The following HSPG2 variants were observed in gnomAD, a reference collection of about 807,000 sequenced individuals.
HSPG2 encodes basement membrane-specific heparan sulfate proteoglycan core protein.
A neutral mutation model predicts 526.6 loss-of-function variants in HSPG2; 278 were observed. The observed-to-expected ratio is 0.53, with a 90% CI of 0.48 to 0.58. HSPG2 has a LOEUF of 0.58. Ranked by LOEUF, HSPG2 falls within the 20% of genes least tolerant of loss-of-function variation. HSPG2 has a pLI of 0.00. For synonymous variants in HSPG2, 2,465 were observed against 2,555.4 expected (o/e 0.96, Z 1.07); for missense variants, 5,354 against 6,099.5 (o/e 0.88, Z 4.07).
intron 64 of HSPG2, 53 bp downstream of exon 64, chr1:21,846,055 T>C: frequency 6.2e-7 from 1 of 1,602,064 alleles, no homozygotes; most frequent in African/African-American, 1.3e-5. Flanking sequence ...CCCCCTGGTC[T>C]CTGTCCCTTC....
chr1:21,908,004 G>A, intron 1 of HSPG2: 1 of 654,382 alleles, frequency 1.5e-6, no homozygotes, highest in Non-Finnish European at 2.8e-6. Flanking sequence ...AAATACAGAT[G>A]TAAAATGCTA....
rs1331689967 is a variant in HSPG2, at chr1:21,898,715, C to CACTG, written c.64-2409_64-2406dup. Among the ~76,000 whole-genome samples the CACTG allele has an allele frequency of 6.6e-6, 1 of 152,226 alleles. No individual in the cohort carries two copies. The highest frequency in any genetic ancestry group is 6.5e-5 in the Admixed American group (1 of 15,284). On this transcript the variant is annotated intron_variant, in intron 1 of 96. Transcript: ENST00000374695. The surrounding 1 kb of genome is among the most constrained non-coding windows in gnomAD (Gnocchi z 4.0). ...TATGAGGCTGGGGCTGGTGCAGGGG[C>CACTG]ACTGACTCTGGTTAGAGGAGATTTG...
At chr1:21,928,463 C>G (rs1557839301) in intron 1 of HSPG2, among the ~76,000 whole-genome samples, 1 of 152,226 alleles carries the variant, frequency 6.6e-6, no homozygotes, top group African/African-American at 2.4e-5. Flanking sequence ...AGTTTTGAGA[C>G]AGAGTCTCGC....
intron 13 of HSPG2, among the ~76,000 whole-genome samples, 199 bp from the exon 14 acceptor site, chr1:21,881,701 G>A (rs1038454952): frequency 6.6e-6 from 1 of 152,156 alleles, no homozygotes; most frequent in African/African-American, 2.4e-5. Context: ...CCAGCACTTT[G>A]AGAGGCTGAG....
rs575606242 is a variant in HSPG2, at chr1:21,894,802, G to A, written c.244+1120C>T. Among the ~76,000 whole-genome samples the A allele has an allele frequency of 1.3e-4, 20 of 152,296 alleles. No individual in the cohort carries two copies. The South Asian group carries it at 4.1e-3, about 32-fold the overall frequency. ...ATTAGCATAGGCCATTCCAGGACGG[G>A]ACGTGCCATGTGTGCCTGGGGCCCA... On this transcript the variant is annotated intron_variant, in intron 3 of 96. Coordinates refer to ENST00000374695, the MANE Select transcript of HSPG2 (RefSeq NM_005529.7).
Position 21,831,005 on chromosome 1 carries a change from G to C in HSPG2, c.11648C>G (p.Ser3883Trp), listed in dbSNP as rs138145234. ...ACCTGGATGGCAGTGCAGGGCCTGCGAGTGCTCACAGCGGCTCCCGGTGAA... is the reference window on the plus strand; with the variant it reads ...ACCTGGATGGCAGTGCAGGGCCTGCCAGTGCTCACAGCGGCTCCCGGTGAA... ...AGFTGSRCEH[S>W]QALHCHPEAC... Residue 3883 changes from serine to tryptophan, a missense_variant, in exon 85 of 97, where the codon TCG becomes TGG. Ser to Trp is a radical substitution (Grantham distance 177). Transcript: ENST00000374695. 43 of 1,586,582 alleles carry C rather than the reference G, an allele frequency of 2.7e-5. No homozygotes were observed. The highest frequency in any genetic ancestry group is 1.8e-5 in the Admixed American group (1 of 54,860).
intron 91 of HSPG2, among the ~76,000 whole-genome samples, chr1:21,826,256 G>C (rs957201728): frequency 2.0e-5 from 3 of 151,972 alleles, no homozygotes; most frequent in African/African-American, 7.3e-5. Flanking sequence ...TTCTTGTAGA[G>C]ATGAGGTCTC....
Position 21,828,108 on chromosome 1 carries a change from G to A in HSPG2, c.12454C>T (p.Pro4152Ser). 1.2e-6 allele frequency: 2 copies of A among 1,604,966 alleles called. No individual in the cohort carries two copies. The highest frequency in any genetic ancestry group is 1.7e-6 in the Non-Finnish European group (2 of 1,174,960). The change falls in exon 90 of 97, where the codon CCC becomes TCC. Residue 4152 changes from proline (P) to serine (S), a missense_variant. Transcript: ENST00000374695. This position sits in a 1 kb window ranked among gnomAD's most constrained non-coding sequence, Gnocchi z 6.0. Reference protein sequence around the residue: ...HEENPCQLREPCLHGGTCQGT... With the variant: ...HEENPCQLRESCLHGGTCQGT... The stretch of plus-strand genomic sequence containing the variant: ...TGGCAGGTGCCCCCATGCAGACAGG[G>A]TTCACGGAGCTGGCAGGGGTTCTCC...
chr1:21,914,217 A>G (rs767533043), intron 1 of HSPG2, among the ~76,000 whole-genome samples: 4 of 152,118 alleles, frequency 2.6e-5, no homozygotes, highest in Non-Finnish European at 5.9e-5. Flanking sequence ...ATACATGTCA[A>G]ATGGTGAGAG....
rs1047177861 is a variant in HSPG2, at chr1:21,831,457, G to A, written c.11452+6C>T. ...AGCCTCAGCTGGAGGTGGGGAGGGGGCTCACCTATGAAGCCGCTGCTCAGC... is the reference window on the plus strand; with the variant it reads ...AGCCTCAGCTGGAGGTGGGGAGGGGACTCACCTATGAAGCCGCTGCTCAGC... On this transcript the variant is annotated splice_donor_region_variant and intron_variant, in intron 83 of 96. Coordinates refer to ENST00000374695, the MANE Select transcript of HSPG2 (RefSeq NM_005529.7). The A allele has an allele frequency of 6.2e-7, 1 of 1,613,300 alleles. No homozygotes were observed. The highest frequency in any genetic ancestry group is 8.5e-7 in the Non-Finnish European group (1 of 1,179,344).
At chr1:21,937,009 C>G (rs1386550278) in intron 1 of HSPG2, 146 bp downstream of exon 1, 3 of 184,252 alleles carry the variant, frequency 1.6e-5, no homozygotes, top group African/African-American at 7.2e-5. Flanking sequence ...GGCCCGGGGT[C>G]CCCGGCGGGC....
intron 1 of HSPG2, 79 bp downstream of exon 1, chr1:21,937,076 G>C: frequency 2.0e-6 from 1 of 489,154 alleles, no homozygotes; most frequent in African/African-American, 2.1e-5. Flanking sequence ...CAGCCAAGTT[G>C]GCGGGAGGCG....
Position 21,832,564 on chromosome 1 carries a change from G to C in HSPG2, c.11138C>G (p.Pro3713Arg), listed in dbSNP as rs757056657. 2.5e-6 allele frequency: 4 copies of C among 1,614,186 alleles called. No individual in the cohort carries two copies. In the South Asian group the frequency reaches 4.4e-5, roughly 18 times the overall value. The change falls in exon 81 of 97, where the codon CCC (proline) becomes CGC (arginine). Residue 3713 changes from proline (P) to arginine (R), a missense_variant. Pro to Arg is a moderately radical substitution (Grantham distance 103, BLOSUM62 -2). Coordinates refer to ENST00000374695, the MANE Select transcript of HSPG2 (RefSeq NM_005529.7). ...YNGQKRVPGSPTNLANRQPDF... is the reference protein window; with the variant it reads ...YNGQKRVPGSRTNLANRQPDF... ...GGGCTGCCGGTTGGCCAGGTTGGTG[G>C]GGCTCCCTGGGACTCGCTTCTGCCC...
At chr1:21,835,111 C>A (rs2098021025) in intron 76 of HSPG2, 166 bp from the exon 77 acceptor site, 3 of 780,088 alleles carry the variant, frequency 3.8e-6, no homozygotes, top group Non-Finnish European at 6.5e-6. Context: ...CTTGTCAGGT[C>A]TTATGCATTT....
At chr1:21,856,604 G>A (rs1405989312) in intron 44 of HSPG2, among the ~76,000 whole-genome samples, 1 of 68,276 alleles carries the variant, frequency 1.5e-5, no homozygotes, top group Non-Finnish European at 3.6e-5. Context: ...TTTTAGTAGA[G>A]ACAGGGTTTC....
rs1391644116 is a variant in HSPG2 at position 21,842,814 on chromosome 1, C to T, written c.8866G>A (p.Val2956Ile). The T allele has an allele frequency of 6.2e-7, 1 of 1,613,920 alleles. No homozygotes were observed. Among genetic ancestry groups the T allele is most frequent in the Admixed American group, 1.7e-5 (1 of 60,032 alleles). ...CVVPGQAHAQ[V>I]TWYKRGGSLP... ...CTGCCCCCGCGCTTGTACCACGTGA[C>T]CTGGGCATGGGCCTGCCCGGGCACC... The change falls in exon 67 of 97, where the codon GTC (valine) becomes ATC (isoleucine). Residue 2956 changes from valine to isoleucine, a missense_variant. Coordinates refer to ENST00000374695, the MANE Select transcript of HSPG2 (RefSeq NM_005529.7).
rs2098013764 is a variant in HSPG2 at position 21,833,575 on chromosome 1, T to C, written c.10870A>G (p.Asn3624Asp). ...SLPPDSRLEN[N>D]MLMLPSVRPQ... ...CGGACTGAGGGCAGCATCAGCATGT[T>C]GTTCTCCAGGCGGCTGTCAGGTGGC... Residue 3624 changes from asparagine to aspartate, a missense_variant, in exon 79 of 97, where the codon AAC becomes GAC. By Grantham distance (23) the Asn-to-Asp change is conservative (BLOSUM62 1). Coordinates refer to ENST00000374695, the MANE Select transcript of HSPG2 (RefSeq NM_005529.7). 3 of 1,614,154 alleles carry C rather than the reference T, an allele frequency of 1.9e-6. No individual in the cohort carries two copies. Among genetic ancestry groups the C allele is most frequent in the African/African-American group, 2.7e-5 (2 of 75,048 alleles).
At position 21,839,167 on chromosome 1, in the gene HSPG2, A is replaced by T; in HGVS notation, c.9890-82T>A. On this transcript the variant is annotated intron_variant, in intron 73 of 96. Coordinates refer to ENST00000374695, the MANE Select transcript of HSPG2 (RefSeq NM_005529.7). This position sits in a 1 kb window ranked among gnomAD's most constrained non-coding sequence, Gnocchi z 4.5. ...AGGTCGTTGGATCCAGTGTCCAGGG[A>T]AGCTGAATGGTGAGCCCAGAGGACT... 1 of 1,522,760 alleles carries T rather than the reference A, an allele frequency of 6.6e-7. No homozygotes were observed. The highest frequency in any genetic ancestry group is 8.9e-7 in the Non-Finnish European group (1 of 1,125,996). 94.3% of individuals were successfully genotyped at this position (1,522,760 alleles called of 1,614,324 possible).
In HSPG2 at chr1:21,847,463, T is replaced by C. The variant is rs377715367; in HGVS notation, c.8055A>G (p.Gln2685=). 10 of 1,613,304 alleles carry C rather than the reference T, an allele frequency of 6.2e-6. No homozygotes were observed. The highest frequency in any genetic ancestry group is 1.1e-5 in the South Asian group (1 of 91,030). The change falls in exon 62 of 97, where the codon CAA becomes CAG. Residue 2685 remains glutamine (Q), a synonymous_variant. Coordinates refer to ENST00000374695, the MANE Select transcript of HSPG2 (RefSeq NM_005529.7). The surrounding 1 kb of genome is among the most constrained non-coding windows in gnomAD (Gnocchi z 4.1). ...ACTCGCCCGAGTCAGCCACAGACATTTGGTGCAACCGCAGGTGGGAGCCAT... is the reference window on the plus strand; with the variant it reads ...ACTCGCCCGAGTCAGCCACAGACATCTGGTGCAACCGCAGGTGGGAGCCAT... The part of the protein sequence containing the change: ...QTHGSHLRLH[Q]MSVADSGEYV...
Sources: gnomAD v4.1 joint callset for allele counts (sites outside exome capture counted in the v4.1 genomes callset) on GRCh38, gnomAD v4.1.1 for gene constraint, Gnocchi (gnomAD v3.1) non-coding constraint, MANE v1.5 for transcripts, NCBI Gene and HGNC (gene_info 2026-07-23, HGNC 2026-07-21) for gene names.